ZNF804B: variants seen among roughly 807,000 people sequenced by gnomAD.
ZNF804B encodes the protein zinc finger 804B.
In ZNF804B, 80 loss-of-function variants were observed where a neutral mutation model predicts 101.4. That is an observed-to-expected ratio of 0.79 (90% confidence interval 0.66 to 0.95). The LOEUF is 0.95. Ranked by LOEUF, ZNF804B falls within the 40% of genes least tolerant of loss-of-function variation. The pLI is 0.00. For missense variants in ZNF804B, 1,673 were observed against 1,561.9 expected (o/e 1.07, Z -1.20); for synonymous variants, 622 against 558.8 (o/e 1.11, Z -1.59).
At chr7:88,976,681 C>G (rs77380571) in intron 1 of ZNF804B, among the ~76,000 whole-genome samples, 3,445 of 151,584 alleles carry the variant, frequency 0.023, 133 homozygotes, top group African/African-American at 0.078. Context: ...TGCAAACAGG[C>G]ATACATAATT....
chr7:88,850,692 CAAT>C (rs1791439821), intron 1 of ZNF804B, among the ~76,000 whole-genome samples: 1 of 151,754 alleles, frequency 6.6e-6, no homozygotes, highest in African/African-American at 2.4e-5. Context: ...GAGCAAAGAT[CAAT>C]AATATTTATA....
At chr7:88,853,262 C>T (rs1420384937) in intron 1 of ZNF804B, among the ~76,000 whole-genome samples, 4 of 152,068 alleles carry the variant, frequency 2.6e-5, no homozygotes, top group East Asian at 1.9e-4. Context: ...GTGGCCCTCA[C>T]GCACTGTTAG....
chr7:88,801,676 G>T (rs552442573), intron 1 of ZNF804B, among the ~76,000 whole-genome samples: 1 of 151,942 alleles, frequency 6.6e-6, no homozygotes, highest in Non-Finnish European at 1.5e-5. Flanking sequence ...TGAGTTTCAC[G>T]TTGAAGCTAA....
intron 1 of ZNF804B, among the ~76,000 whole-genome samples, chr7:88,893,663 T>C (rs957366935): frequency 2.0e-5 from 3 of 152,120 alleles, no homozygotes; most frequent in Non-Finnish European, 2.9e-5. Flanking sequence ...GGAAACTTAA[T>C]AAGGAAAAAC....
chr7:89,290,707 G>T (rs555751572), intron 2 of ZNF804B, among the ~76,000 whole-genome samples: 1 of 152,110 alleles, frequency 6.6e-6, no homozygotes, highest in Non-Finnish European at 1.5e-5. Flanking sequence ...GCTCAGCCAC[G>T]GTACAACAGA....
chr7:89,273,039 G>A (rs189048496), intron 2 of ZNF804B, among the ~76,000 whole-genome samples: 57 of 152,196 alleles, frequency 3.7e-4, no homozygotes, highest in Admixed American at 1.2e-3. Flanking sequence ...CTTCAAAAAT[G>A]CTTTAACTGA....
At chr7:89,225,234 G>T (rs1789070098) in intron 2 of ZNF804B, among the ~76,000 whole-genome samples, 1 of 152,042 alleles carries the variant, frequency 6.6e-6, no homozygotes. Flanking sequence ...CAATATTCAA[G>T]AACTTTGTGA....
chr7:88,954,621 A>T (rs1317237993), intron 1 of ZNF804B, among the ~76,000 whole-genome samples: 1 of 151,602 alleles, frequency 6.6e-6, no homozygotes, highest in Non-Finnish European at 1.5e-5. Context: ...AAAAATATCA[A>T]TCACATTGTA....
intron 1 of ZNF804B, among the ~76,000 whole-genome samples, chr7:88,767,951 C>T (rs1372127436): frequency 1.3e-5 from 2 of 152,314 alleles, no homozygotes; most frequent in East Asian, 3.9e-4. Context: ...TTTCCTTTCA[C>T]AGGTCAAGTG....
intron 1 of ZNF804B, among the ~76,000 whole-genome samples, chr7:89,010,858 T>C (rs2116192286): frequency 6.6e-6 from 1 of 152,264 alleles, no homozygotes; most frequent in Non-Finnish European, 1.5e-5. Flanking sequence ...TCCTATAAAA[T>C]CCTAGAGTTT....
chr7:88,821,346 T>C (rs1351880601), intron 1 of ZNF804B, among the ~76,000 whole-genome samples: 1 of 152,238 alleles, frequency 6.6e-6, no homozygotes, highest in Non-Finnish European at 1.5e-5. Context: ...AATGACCAGA[T>C]AGATATGATG....
At chr7:89,153,331 C>T (rs896767170) in intron 1 of ZNF804B, among the ~76,000 whole-genome samples, 1 of 151,612 alleles carries the variant, frequency 6.6e-6, no homozygotes, top group Non-Finnish European at 1.5e-5. Flanking sequence ...CAGATCTTCC[C>T]GTCTCCCTGC....
In ZNF804B at chr7:89,337,532, T is replaced by C. The variant is rs1791120403; in HGVS notation, c.*500T>C. 6.6e-6 allele frequency among the ~76,000 whole-genome samples: 1 copy of C among 152,172 alleles called. No homozygotes were observed. The highest frequency in any genetic ancestry group is 2.1e-4 in the South Asian group (1 of 4,834). Reference sequence around the variant, plus strand: ...TAAGTTTTCAATTAATGTAGTCTGTTACTGTATTTTCATAGGAAATAAGAA... The same window carrying C: ...TAAGTTTTCAATTAATGTAGTCTGTCACTGTATTTTCATAGGAAATAAGAA... On this transcript the variant is annotated 3_prime_UTR_variant, in exon 4 of 4. Coordinates refer to ENST00000333190, the MANE Select transcript of ZNF804B (RefSeq NM_181646.5).
intron 1 of ZNF804B, among the ~76,000 whole-genome samples, chr7:89,082,222 G>A (rs910475708): frequency 4.0e-5 from 6 of 151,478 alleles, no homozygotes; most frequent in African/African-American, 9.7e-5. Context: ...CAACTCAACA[G>A]CCATCCTAAA....
chr7:89,188,278 G>C (rs1324140046), intron 1 of ZNF804B, among the ~76,000 whole-genome samples: 2 of 151,866 alleles, frequency 1.3e-5, no homozygotes, highest in South Asian at 4.1e-4. Context: ...GTAATTGTTT[G>C]GAGGCACCAA....
chr7:89,036,181 C>T (rs1189216068), intron 1 of ZNF804B, among the ~76,000 whole-genome samples: 1 of 150,728 alleles, frequency 6.6e-6, no homozygotes, highest in Non-Finnish European at 1.5e-5. Context: ...AGTTCTTAAG[C>T]TGCCTGAGAC....
chr7:89,107,844 G>A (rs537104334), intron 1 of ZNF804B, among the ~76,000 whole-genome samples: 1 of 152,264 alleles, frequency 6.6e-6, no homozygotes, highest in Admixed American at 6.5e-5. Flanking sequence ...AGCGGCATGG[G>A]GGGTATTCTC....
chr7:88,823,538 CAG>C (rs141919584), intron 1 of ZNF804B, among the ~76,000 whole-genome samples: 9,183 of 152,096 alleles, frequency 0.06, 400 homozygotes, highest in South Asian at 0.17. Flanking sequence ...AGGGGTCTGA[CAG>C]GGGGTGCCAG....
intron 1 of ZNF804B, among the ~76,000 whole-genome samples, chr7:89,165,996 A>G (rs551652736): frequency 1.4e-4 from 22 of 152,134 alleles, no homozygotes; most frequent in Non-Finnish European, 2.5e-4. Flanking sequence ...TTTGTATATA[A>G]GTTTTATATT....
Sources: allele counts gnomAD v4.1 joint callset (sites outside exome capture counted in the v4.1 genomes callset), GRCh38; gene constraint gnomAD v4.1.1; transcripts MANE v1.5; gene names NCBI Gene and HGNC (gene_info 2026-07-23, HGNC 2026-07-21).